Variants in KRT14 observed in about 807,000 individuals in gnomAD.
KRT14 encodes keratin, type I cytoskeletal 14.
In KRT14, 30 loss-of-function variants were observed where a neutral mutation model predicts 44.5. The ratio of observed to expected loss-of-function variants is 0.67; its 90% CI spans 0.50 to 0.92. The LOEUF is 0.92. Ranked by LOEUF, KRT14 falls within the 40% of genes least tolerant of loss-of-function variation. The pLI, the probability that KRT14 is intolerant of heterozygous loss-of-function variation, is 0.00. For synonymous variants in KRT14, 241 were observed against 257.6 expected (o/e 0.94, Z 0.62); for missense variants, 535 against 640.6 (o/e 0.84, Z 1.78).
Position 41,584,350 on chromosome 17 carries a change from C to T in KRT14, c.672G>A (p.Val224=). The T allele has an allele frequency of 6.2e-7, 1 of 1,614,114 alleles. No individual in the cohort carries two copies. ...CTCTGGCCAGGGTCAGTTCGTCCAGCACCCTGCGCAGGCCATTGATGTCGG... is the reference window on the plus strand; with the variant it reads ...CTCTGGCCAGGGTCAGTTCGTCCAGTACCCTGCGCAGGCCATTGATGTCGG... ...VEADINGLRR[V]LDELTLARAD... The change falls in exon 3 of 8, where the codon GTG becomes GTA. Residue 224 remains valine, a synonymous_variant. Transcript: ENST00000167586.
At position 41,582,543 on chromosome 17, in the gene KRT14, G is replaced by C. The variant is rs1378874078; in HGVS notation, c.1322-11C>G. 3.2e-6 allele frequency: 5 copies of C among 1,553,242 alleles called. No individual in the cohort carries two copies. In the Admixed American group the frequency reaches 7.8e-5, roughly 24 times the overall value. ...GGCTGGAGGAGGTCACTGGGGAAGA[G>C]GTGGGAAGAGGACGTTACCAGAGGT... is the stretch of plus-strand genomic sequence containing the variant. On this transcript the variant is annotated splice_polypyrimidine_tract_variant and intron_variant, in intron 7 of 7. Transcript: ENST00000167586.
At chr17:41,586,219 A>G in intron 1 of KRT14, 91 bp downstream of exon 1, 2 of 1,525,478 alleles carry the variant, frequency 1.3e-6, no homozygotes, top group East Asian at 2.3e-5. Context: ...TCTGTCCTAT[A>G]GAGAAATCTT....
At position 41,586,249 on chromosome 17, in the gene KRT14, G is replaced by A. The variant is rs1907518967; in HGVS notation, c.525+61C>T. 10 of 1,599,142 alleles carry A rather than the reference G, an allele frequency of 6.3e-6. No individual in the cohort carries two copies. The Admixed American group carries it at 1.0e-4, about 16-fold the overall frequency. On this transcript the variant is annotated intron_variant, in intron 1 of 7. Coordinates refer to ENST00000167586, the MANE Select transcript of KRT14 (RefSeq NM_000526.5). ...AATCTTAAGGTCTCAGGGGCCTGGG[G>A]CATGAATTGTTCCCAGAAGGAGCTA...
chr17:41,583,601 G>T lies in KRT14; in HGVS notation c.1003C>A (p.Arg335=). ...ATCTCCAGGTTCTGCATGGTGCGCCGGAGCTCCGAGATCTCGCTCTTGCCG... is the reference window on the plus strand; with the variant it reads ...ATCTCCAGGTTCTGCATGGTGCGCCTGAGCTCCGAGATCTCGCTCTTGCCG... ...QSGKSEISEL[R]RTMQNLEIEL... The change falls in exon 5 of 8, where the codon CGG becomes AGG. Residue 335 remains arginine (R), a synonymous_variant. Transcript: ENST00000167586. The T allele has an allele frequency of 2.5e-6, 4 of 1,614,192 alleles. No individual in the cohort carries two copies. The highest frequency in any genetic ancestry group is 1.6e-4 in the Middle Eastern group (1 of 6,062).
chr17:41,585,127 A>G (rs1382920773), intron 1 of KRT14, 70 bp from the exon 2 acceptor site: 1 of 1,166,820 alleles, frequency 8.6e-7, no homozygotes, highest in African/African-American at 1.5e-5. Context: ...TGTAGCCTAC[A>G]TTAAGCTCTT....
At chr17:41,584,139 C>T (rs1337317540) in intron 3 of KRT14, 118 bp downstream of exon 3, 3 of 865,848 alleles carry the variant, frequency 3.5e-6, no homozygotes, top group East Asian at 4.7e-5. Context: ...GACTCAAACT[C>T]CTGTGTTCAA....
At chr17:41,584,815 A>G (rs1234219673) in intron 2 of KRT14, among the ~76,000 whole-genome samples, 160 bp downstream of exon 2, 1 of 152,006 alleles carries the variant, frequency 6.6e-6, no homozygotes, top group Non-Finnish European at 1.5e-5. Context: ...CTGAATCAAA[A>G]CTCCAAGGGT....
Position 41,583,485 on chromosome 17 carries a change from T to C in KRT14, c.1054-30A>G, listed in dbSNP as rs746968324. 29 of 1,614,140 alleles carry C rather than the reference T, an allele frequency of 1.8e-5. No homozygotes were observed. The South Asian group carries it at 3.1e-4, about 17-fold the overall frequency. On this transcript the variant is annotated intron_variant, in intron 5 of 7. Coordinates refer to ENST00000167586, the MANE Select transcript of KRT14 (RefSeq NM_000526.5). ...GAGGGAGGGAAAGGGAATCAACGATTAGTGAGTGTGGCCGTTCTCTCCCTG... is the reference window on the plus strand; with the variant it reads ...GAGGGAGGGAAAGGGAATCAACGATCAGTGAGTGTGGCCGTTCTCTCCCTG...
chr17:41,582,547 G>T lies in KRT14; in HGVS notation c.1322-15C>A. ...GGAGGAGGTCACTGGGGAAGAGGTG[G>T]GAAGAGGACGTTACCAGAGGTGGAC... is the stretch of plus-strand genomic sequence containing the variant. On this transcript the variant is annotated splice_polypyrimidine_tract_variant and intron_variant, in intron 7 of 7. Coordinates refer to ENST00000167586, the MANE Select transcript of KRT14 (RefSeq NM_000526.5). 1 of 1,549,318 alleles carries T rather than the reference G, an allele frequency of 6.5e-7. No individual in the cohort carries two copies. The highest frequency in any genetic ancestry group is 1.4e-5 in the African/African-American group (1 of 73,222).
chr17:41,584,602 G>T (rs140427705), intron 2 of KRT14, 189 bp from the exon 3 acceptor site: 33 of 653,552 alleles, frequency 5.0e-5, no homozygotes, highest in African/African-American at 1.8e-4. Context: ...GCGGGCTGGG[G>T]ATAAGGCAGT....
At chr17:41,585,748 T>C (rs1907504396) in intron 1 of KRT14, among the ~76,000 whole-genome samples, 1 of 152,350 alleles carries the variant, frequency 6.6e-6, no homozygotes, top group East Asian at 1.9e-4. Context: ...GCTCTCTCTG[T>C]GCAGGGCACA....
chr17:41,584,527 A>T, intron 2 of KRT14, 114 bp from the exon 3 acceptor site: 1 of 1,167,394 alleles, frequency 8.6e-7, no homozygotes, highest in Non-Finnish European at 1.3e-6. Context: ...TGGTTTAAGG[A>T]GCCAATCTTG....
Position 41,586,409 on chromosome 17 carries a change from G to C in KRT14, c.426C>G (p.Asp142Glu), listed in dbSNP as rs780850058. The C allele has an allele frequency of 6.2e-7, 1 of 1,613,972 alleles. No individual in the cohort carries two copies. The highest frequency in any genetic ancestry group is 2.2e-5 in the East Asian group (1 of 44,868). ...ACCAGTCACGGATCTTCACTTCCAG[G>C]TCGGCGTTGGCCTCCTCCAGAGCAC... is the stretch of plus-strand genomic sequence containing the variant. ...KVRALEEANA[D>E]LEVKIRDWYQ... Residue 142 changes from aspartate (D) to glutamate (E), a missense_variant, in exon 1 of 8, where the codon GAC (aspartate) becomes GAG (glutamate). Coordinates refer to ENST00000167586, the MANE Select transcript of KRT14 (RefSeq NM_000526.5).
rs759724434 is a variant in KRT14, at chr17:41,583,738, T to C, written c.927+22A>G. ...CCAGAAGGCAGGTGGTCTGGGTTCC[T>C]TCCACCTCAAATGACACCCACCTTG... On this transcript the variant is annotated intron_variant, in intron 4 of 7. Transcript: ENST00000167586. 4 of 1,614,152 alleles carry C rather than the reference T, an allele frequency of 2.5e-6. No homozygotes were observed. In the East Asian group the frequency reaches 6.7e-5, roughly 27 times the overall value.
intron 7 of KRT14, chr17:41,582,845 T>G (rs1907378312): frequency 1.6e-6 from 1 of 606,692 alleles, no homozygotes; most frequent in South Asian, 2.0e-5. Context: ...AGGGCCCTGT[T>G]CATGGTGCTG....
Position 41,583,817 on chromosome 17 carries a change from C to G in KRT14, c.870G>C (p.Gln290His), listed in dbSNP as rs1484710075. 2 of 1,614,114 alleles carry G rather than the reference C, an allele frequency of 1.2e-6. No individual in the cohort carries two copies. Among genetic ancestry groups the G allele is most frequent in the Non-Finnish European group, 1.7e-6 (2 of 1,180,048 alleles). The change falls in exon 4 of 8, where the codon CAG becomes CAC. Residue 290 changes from glutamine (Q) to histidine (H), a missense_variant. Physicochemically the swap from Gln to His is conservative, Grantham distance 24 (BLOSUM62 0). Coordinates refer to ENST00000167586, the MANE Select transcript of KRT14 (RefSeq NM_000526.5). Reference protein sequence around the residue: ...LSRILNEMRDQYEKMAEKNRK... With the variant: ...LSRILNEMRDHYEKMAEKNRK... ...GGTTCTTCTCTGCCATCTTCTCATA[C>G]TGGTCACGCATCTCGTTCAGAATGC...
rs576427037 is a variant in KRT14 at position 41,582,518 on chromosome 17, G to A, written c.1336C>T (p.Arg446Cys). 8.9e-6 allele frequency: 14 copies of A among 1,565,062 alleles called. No individual in the cohort carries two copies. Among genetic ancestry groups the A allele is most frequent in the Middle Eastern group, 1.7e-4 (1 of 6,016 alleles). Residue 446 changes from arginine (R) to cysteine (C), a missense_variant, in exon 8 of 8, where the codon CGC (arginine) becomes TGC (cysteine). By Grantham distance (180) the Arg-to-Cys change is radical (BLOSUM62 -3). Transcript: ENST00000167586. ...QSSRDVTSSS[R>C]QIRTKVMDVH... Reference sequence around the variant, plus strand: ...TCCATGACCTTGGTGCGGATTTGGCGGCTGGAGGAGGTCACTGGGGAAGAG... The same window carrying A: ...TCCATGACCTTGGTGCGGATTTGGCAGCTGGAGGAGGTCACTGGGGAAGAG...
chr17:41,585,771 A>G (rs1202975640), intron 1 of KRT14, among the ~76,000 whole-genome samples: 1 of 152,248 alleles, frequency 6.6e-6, no homozygotes, highest in African/African-American at 2.4e-5. Context: ...AAGGGACCAC[A>G]CTAATTGTCT....
At chr17:41,583,500 T>C in intron 5 of KRT14, 45 bp from the exon 6 acceptor site, 1 of 1,614,120 alleles carries the variant, frequency 6.2e-7, no homozygotes, top group Non-Finnish European at 8.5e-7. Flanking sequence ...AGTGTGGCCG[T>C]TCTCTCCCTG....
Sources: gnomAD v4.1 joint callset for allele counts (sites outside exome capture counted in the v4.1 genomes callset) on GRCh38, gnomAD v4.1.1 for gene constraint, MANE v1.5 for transcripts, NCBI Gene and HGNC (gene_info 2026-07-23, HGNC 2026-07-21) for gene names.